LRRC37A: variants seen among roughly 807,000 people sequenced by gnomAD.
The protein encoded by LRRC37A is leucine rich repeat containing 37A, also known as leucine-rich repeat-containing protein 37A.
A neutral mutation model predicts 35.4 loss-of-function variants in LRRC37A; 3 were observed. The observed-to-expected ratio is 0.08, with a 90% confidence interval of 0.04 to 0.22. The LOEUF (loss-of-function observed/expected upper bound fraction) is 0.22, where lower values mean the gene tolerates loss of function less well. Ranked by LOEUF, LRRC37A falls within the 10% of genes least tolerant of loss-of-function variation. The probability of loss-of-function intolerance (pLI) is 1.00; values close to 1 mark genes in which losing one functional copy is unlikely to be tolerated. For synonymous variants in LRRC37A, 23 were observed against 215.0 expected, an observed-to-expected ratio of 0.11 and a Z score of 7.81; for missense variants, 67 against 565.3, an observed-to-expected ratio of 0.12 and a Z score of 8.94.
chr17:46,271,725 T>C, the LRRC37A span, among the ~76,000 whole-genome samples: 10 of 152,322 alleles, frequency 6.6e-5, no homozygotes, highest in South Asian at 4.1e-4. Flanking sequence ...ATTTGGAATA[T>C]AAAAAGGTAA....
At chr17:46,257,074 A>G in the LRRC37A span, among the ~76,000 whole-genome samples, 7 of 152,200 alleles carry the variant, frequency 4.6e-5, no homozygotes, top group African/African-American at 1.7e-4. Flanking sequence ...TGGCCAAGTA[A>G]CTCAACCTTT....
chr17:46,290,180 A>G (rs1821238898), upstream of LRRC37A, among the ~76,000 whole-genome samples: 1 of 152,256 alleles, frequency 6.6e-6, no homozygotes, highest in Non-Finnish European at 1.5e-5. Context: ...CCCCGGCTAG[A>G]GTACAGTGGT....
the LRRC37A span, among the ~76,000 whole-genome samples, chr17:46,256,489 C>A: frequency 6.6e-6 from 1 of 152,150 alleles, no homozygotes; most frequent in Non-Finnish European, 1.5e-5. Context: ...CAGCCATCTG[C>A]AAGCTAGGAA....
At position 46,323,873 on chromosome 17, in the gene LRRC37A, A is replaced by T. The variant is rs955608089; in HGVS notation, c.3053+846A>T. 5.1e-3 allele frequency among the ~76,000 whole-genome samples: 497 copies of T among 97,278 alleles called. 103 individuals are homozygous for T. Among genetic ancestry groups the T allele is most frequent in the African/African-American group, 0.016 (468 of 29,638 alleles). The allele number at this position is 97,278 out of a possible 152,430, so 63.8% of individuals were successfully genotyped here. On this transcript the variant is annotated intron_variant, in intron 7 of 13. Coordinates refer to ENST00000320254, the Ensembl canonical transcript of LRRC37A. ...ACAATACAACAATAAAAACAGTAGA[A>T]AATTTAAAATACAGTATAATTATGT... is the stretch of plus-strand genomic sequence containing the variant.
upstream of LRRC37A, among the ~76,000 whole-genome samples, chr17:46,288,949 T>C (rs2668654): frequency 0.14 from 21,637 of 151,668 alleles, 1,886 homozygotes; most frequent in Non-Finnish European, 0.22. Context: ...AGGTGACCCA[T>C]CTCAGCCTCC....
chr17:46,265,626 A>T, the LRRC37A span, among the ~76,000 whole-genome samples: 1 of 151,804 alleles, frequency 6.6e-6, no homozygotes, highest in South Asian at 2.1e-4. Flanking sequence ...CCAAGGCGTG[A>T]GCTACCATGC....
the LRRC37A span, among the ~76,000 whole-genome samples, chr17:46,249,143 G>A: frequency 0.13 from 19,690 of 151,742 alleles, 1 homozygote; most frequent in Middle Eastern, 0.2. Context: ...GGGTCCTGGA[G>A]CCAATCCCCT....
chr17:46,253,589 A>G, the LRRC37A span, among the ~76,000 whole-genome samples: 1 of 152,172 alleles, frequency 6.6e-6, no homozygotes, highest in African/African-American at 2.4e-5. Flanking sequence ...TCCACCAAAA[A>G]AATACGAAAA....
the LRRC37A span, among the ~76,000 whole-genome samples, chr17:46,252,299 G>T: frequency 6.6e-6 from 1 of 151,428 alleles, no homozygotes; most frequent in East Asian, 1.9e-4. Context: ...CCACTTCCTG[G>T]GCTTAAGTGA....
At chr17:46,283,657 T>C in the LRRC37A span, among the ~76,000 whole-genome samples, 1 of 152,232 alleles carries the variant, frequency 6.6e-6, no homozygotes, top group Non-Finnish European at 1.5e-5. Context: ...TGTTTCTCGT[T>C]AAGTGGAACG....
the LRRC37A span, among the ~76,000 whole-genome samples, chr17:46,261,154 C>T: frequency 1.3e-5 from 2 of 152,164 alleles, no homozygotes; most frequent in African/African-American, 2.4e-5. Flanking sequence ...CACAAATCAC[C>T]ACTAAAGAAC....
At chr17:46,324,091 G>C (rs1455679504) in intron 7 of LRRC37A, among the ~76,000 whole-genome samples, 1 of 120,264 alleles carries the variant, frequency 8.3e-6, no homozygotes. Context: ...CCGGTTGTGT[G>C]GAAATGCCAT....
chr17:46,254,395 G>GTATTTATT, the LRRC37A span, among the ~76,000 whole-genome samples: 1 of 151,284 alleles, frequency 6.6e-6, no homozygotes, highest in African/African-American at 2.4e-5. Flanking sequence ...GCCATTTATT[G>GTATTTATT]TATTTATTTA....
the LRRC37A span, among the ~76,000 whole-genome samples, chr17:46,258,707 C>CTTG: frequency 8.1e-3 from 660 of 81,156 alleles, 34 homozygotes; most frequent in Middle Eastern, 0.033. Flanking sequence ...GACTATTATT[C>CTTG]TTTTTTTTTT....
At chr17:46,298,703 G>A (rs1356123722) in intron 1 of LRRC37A, among the ~76,000 whole-genome samples, 3 of 101,630 alleles carry the variant, frequency 3.0e-5, no homozygotes, top group South Asian at 3.9e-4. Context: ...CAGCCTGGGC[G>A]ACAGAGCAAG....
chr17:46,259,057 A>C, the LRRC37A span, among the ~76,000 whole-genome samples: 1 of 50,512 alleles, frequency 2.0e-5, no homozygotes, highest in African/African-American at 6.8e-5. Context: ...TTTTTTTACT[A>C]ACCAGGGGTT....
intron 5 of LRRC37A, among the ~76,000 whole-genome samples, chr17:46,317,122 T>C (rs1403917632): frequency 9.1e-5 from 8 of 88,188 alleles, no homozygotes; most frequent in South Asian, 8.8e-4. Context: ...CAATGAGCTG[T>C]TGGGTACACC....
At chr17:46,277,538 T>G in the LRRC37A span, among the ~76,000 whole-genome samples, 1 of 152,158 alleles carries the variant, frequency 6.6e-6, no homozygotes, top group Admixed American at 6.6e-5. Context: ...AATGAGAAGT[T>G]GTGCTCCTCT....
At chr17:46,285,535 C>T in the LRRC37A span, among the ~76,000 whole-genome samples, 1 of 152,188 alleles carries the variant, frequency 6.6e-6, no homozygotes, top group Admixed American at 6.5e-5. Context: ...GCCCCCGTAC[C>T]CAGCCACCTT....
Sources: allele counts gnomAD v4.1 joint callset (sites outside exome capture counted in the v4.1 genomes callset), GRCh38; gene constraint gnomAD v4.1.1; transcripts MANE v1.5; gene names NCBI Gene and HGNC (gene_info 2026-07-23, HGNC 2026-07-21).